KRT3: variants seen among roughly 807,000 people sequenced by gnomAD.
KRT3 encodes the protein keratin, type II cytoskeletal 3.
A neutral mutation model predicts 45.8 loss-of-function variants in KRT3; 34 were observed. The ratio of observed to expected loss-of-function variants is 0.74; its 90% CI spans 0.57 to 0.99. KRT3 has a LOEUF of 0.99. Ranked by LOEUF, KRT3 falls within the 50% of genes least tolerant of loss-of-function variation. KRT3 has a pLI of 0.00. For missense variants in KRT3, 828 were observed against 820.6 expected, an observed-to-expected ratio of 1.01 and a Z score of -0.11; for synonymous variants, 367 against 329.0, an observed-to-expected ratio of 1.12 and a Z score of -1.25.
chr12:52,792,594 C>T (rs987081706), intron 4 of KRT3, 117 bp downstream of exon 4: 2 of 985,584 alleles, frequency 2.0e-6, no homozygotes, highest in Admixed American at 3.5e-5. Context: ...TCCAAGGGTC[C>T]TCATCTCCAG....
In KRT3 at chr12:52,794,224, A is replaced by G; in HGVS notation, c.753T>C (p.Phe251=). 6.2e-7 allele frequency: 1 copy of G among 1,614,084 alleles called. No homozygotes were observed. Among genetic ancestry groups the G allele is most frequent in the East Asian group, 2.2e-5 (1 of 44,886 alleles). Residue 251 remains phenylalanine, a synonymous_variant, in exon 2 of 9, where the codon TTT becomes TTC. Transcript: ENST00000417996. The stretch of plus-strand genomic sequence containing the variant: ...TCCGCAGGTAGTTGATGTGATTCTC[A>G]AAAAGAGGCTCAAGGTTGTTTGTGC... ...ISGTNNLEPL[F]ENHINYLRSY... is the part of the protein sequence containing the mutation.
At chr12:52,793,255 G>T (rs1196499184) in intron 2 of KRT3, 32 bp from the exon 3 acceptor site, 4 of 1,510,630 alleles carry the variant, frequency 2.6e-6, no homozygotes, top group Non-Finnish European at 2.7e-6. Flanking sequence ...AGCTGAGTTT[G>T]GTTTTGAGGT....
chr12:52,791,076 G>A, intron 7 of KRT3, 130 bp downstream of exon 7: 1 of 1,449,316 alleles, frequency 6.9e-7, no homozygotes, highest in Non-Finnish European at 9.4e-7. Flanking sequence ...TGGGCTGGTA[G>A]AGGCAAATGC....
chr12:52,791,170 G>A (rs1052617522), intron 7 of KRT3, 36 bp downstream of exon 7: 3 of 1,613,710 alleles, frequency 1.9e-6, no homozygotes, highest in Non-Finnish European at 2.5e-6. Context: ...TATGACTTGA[G>A]CCAGGGGGTG....
chr12:52,794,521 T>G (rs553422910), intron 1 of KRT3, among the ~76,000 whole-genome samples, 190 bp from the exon 2 acceptor site: 13 of 152,268 alleles, frequency 8.5e-5, no homozygotes, highest in African/African-American at 2.9e-4. Flanking sequence ...GACACTACAC[T>G]TGCAGCGTGG....
chr12:52,794,223 C>T lies in KRT3; in HGVS notation c.754G>A (p.Glu252Lys). Residue 252 changes from glutamate to lysine, a missense_variant, in exon 2 of 9, where the codon GAG becomes AAG. Glu to Lys is a moderately conservative substitution (Grantham distance 56). Coordinates refer to ENST00000417996, the MANE Select transcript of KRT3 (RefSeq NM_057088.3). ...CTCCGCAGGTAGTTGATGTGATTCTCAAAAAGAGGCTCAAGGTTGTTTGTG... is the reference window on the plus strand; with the variant it reads ...CTCCGCAGGTAGTTGATGTGATTCTTAAAAAGAGGCTCAAGGTTGTTTGTG... ...SGTNNLEPLF[E>K]NHINYLRSYL... is the part of the protein sequence containing the mutation. 1.9e-6 allele frequency: 3 copies of T among 1,614,136 alleles called. No individual in the cohort carries two copies. Among genetic ancestry groups the T allele is most frequent in the Non-Finnish European group, 2.5e-6 (3 of 1,180,010 alleles).
chr12:52,794,256 T>G lies in KRT3; in HGVS notation c.721A>C (p.Ile241Leu), dbSNP rs368765001. 1.9e-6 allele frequency: 3 copies of G among 1,614,058 alleles called. No individual in the cohort carries two copies. In the African/African-American group the frequency reaches 4.0e-5, roughly 22 times the overall value. Residue 241 changes from isoleucine (I) to leucine (L), a missense_variant, in exon 2 of 9, where the codon ATC becomes CTC. Transcript: ENST00000417996. ...NLLQQQGTSS[I>L]SGTNNLEPLF... ...GGCTCAAGGTTGTTTGTGCCTGAGA[T>G]GGAACTTGTGCCCTGCTGCTGGAGC...
intron 3 of KRT3, 131 bp from the exon 4 acceptor site, chr12:52,792,937 G>A (rs1939559181): frequency 1.4e-6 from 1 of 722,284 alleles, no homozygotes; most frequent in Non-Finnish European, 2.4e-6. Flanking sequence ...ACTTGAACGG[G>A]CAATTTGTAT....
chr12:52,790,436 G>T, intron 8 of KRT3, 78 bp from the exon 9 acceptor site: 2 of 1,373,116 alleles, frequency 1.5e-6, no homozygotes, highest in Non-Finnish European at 9.8e-7. Context: ...GATCCACCGG[G>T]CCCACGACTA....
rs374904266 is a variant in KRT3 at position 52,791,331 on chromosome 12, A to G, written c.1410T>C (p.Ala470=). The part of the protein sequence containing the change: ...ANAKLQELQA[A]LQQAKDDLAR... ...CCAGGTCATCCTTCGCCTGCTGTAGAGCAGCCTGCAGCTCTTGGAGCTTGG... is the reference window on the plus strand; with the variant it reads ...CCAGGTCATCCTTCGCCTGCTGTAGGGCAGCCTGCAGCTCTTGGAGCTTGG... The change falls in exon 7 of 9, where the codon GCT becomes GCC. Residue 470 remains alanine, a synonymous_variant. Coordinates refer to ENST00000417996, the MANE Select transcript of KRT3 (RefSeq NM_057088.3). 5.3e-5 allele frequency: 85 copies of G among 1,614,098 alleles called. No individual in the cohort carries two copies. The highest frequency in any genetic ancestry group is 6.4e-5 in the Non-Finnish European group (75 of 1,180,044).
Position 52,790,853 on chromosome 12 carries a change from T to C in KRT3, c.1555A>G (p.Ser519Gly). 1 of 1,597,820 alleles carries C rather than the reference T, an allele frequency of 6.3e-7. No homozygotes were observed. Among genetic ancestry groups the C allele is most frequent in the Non-Finnish European group, 8.5e-7 (1 of 1,171,864 alleles). ...CGGTACTTACAGATGCTGACAGCAC[T>C]CGGACACTCTCCAGACATCCTGTTT... The part of the protein sequence containing the change: ...EEYRMSGECP[S>G]AVSISVVSSS... The change falls in exon 8 of 9, where the codon AGT becomes GGT. Residue 519 changes from serine to glycine, a missense_variant. Ser to Gly is a moderately conservative substitution (Grantham distance 56). Coordinates refer to ENST00000417996, the MANE Select transcript of KRT3 (RefSeq NM_057088.3).
intron 6 of KRT3, 49 bp from the exon 7 acceptor site, chr12:52,791,475 C>G (rs202046656): frequency 6.3e-7 from 1 of 1,578,750 alleles, no homozygotes; most frequent in East Asian, 2.2e-5. Flanking sequence ...GGGCCCCAGG[C>G]CCTTCCTGAC....
chr12:52,795,626 A>T lies in KRT3; in HGVS notation c.417T>A (p.Gly139=), dbSNP rs529558333. ...GGFGGAGGFG[G]PGGFGGSGGF... ...CACCAGACCCACCAAAGCCACCAGGACCACCAAAGCCACCAGCCCCTCCAA... is the reference window on the plus strand; with the variant it reads ...CACCAGACCCACCAAAGCCACCAGGTCCACCAAAGCCACCAGCCCCTCCAA... Residue 139 remains glycine (G), a synonymous_variant, in exon 1 of 9, where the codon GGT becomes GGA. Coordinates refer to ENST00000417996, the MANE Select transcript of KRT3 (RefSeq NM_057088.3). The T allele has an allele frequency of 1.1e-5, 18 of 1,584,296 alleles. No individual in the cohort carries two copies. In the Admixed American group the frequency reaches 1.3e-4, roughly 11 times the overall value.
chr12:52,790,078 G>A lies in KRT3; in HGVS notation c.1851C>T (p.Ser617=), dbSNP rs1233100608. 4.5e-6 allele frequency: 7 copies of A among 1,541,236 alleles called. No homozygotes were observed. Among genetic ancestry groups the A allele is most frequent in the Admixed American group, 3.9e-5 (2 of 50,972 alleles). The change falls in exon 9 of 9, where the codon TCC becomes TCT. Residue 617 remains serine (S), a synonymous_variant. Coordinates refer to ENST00000417996, the MANE Select transcript of KRT3 (RefSeq NM_057088.3). ...AGCGCTGGGAGGACTGGGAGGACTGGGAGAACTTGATGCTGCCGCCCCGGT... is the reference window on the plus strand; with the variant it reads ...AGCGCTGGGAGGACTGGGAGGACTGAGAGAACTTGATGCTGCCGCCCCGGT... The part of the protein sequence containing the change: ...ASNRGGSIKF[S]QSSQSSQRYS...
In KRT3 at chr12:52,793,228, G is replaced by A. The variant is rs1343859285; in HGVS notation, c.867-5C>T. The stretch of plus-strand genomic sequence containing the variant: ...TTATTGATTTCATCCTCATATCTGT[G>A]TGAATAAAAAAGAAACAGCTGAGTT... On this transcript the variant is annotated splice_polypyrimidine_tract_variant and splice_region_variant and intron_variant, in intron 2 of 8. Coordinates refer to ENST00000417996, the MANE Select transcript of KRT3 (RefSeq NM_057088.3). 1.9e-6 allele frequency: 3 copies of A among 1,597,638 alleles called. No homozygotes were observed. The highest frequency in any genetic ancestry group is 3.5e-5 in the Admixed American group (2 of 57,884).
rs200878892 is a variant in KRT3, at chr12:52,795,824, G to C, written c.219C>G (p.Gly73=). 1.3e-5 allele frequency: 21 copies of C among 1,613,890 alleles called. No individual in the cohort carries two copies. In the South Asian group the frequency reaches 2.1e-4, roughly 16 times the overall value. The change falls in exon 1 of 9, where the codon GGC becomes GGG. Residue 73 remains glycine (G), a synonymous_variant. Coordinates refer to ENST00000417996, the MANE Select transcript of KRT3 (RefSeq NM_057088.3). ...CCCCAAAGCCTCCAGCCCGGGAGCC[G>C]CCAGCTGCCACGCTGATGGAGATGC... ...NKSISISVAA[G]GSRAGGFGGG... is the part of the protein sequence containing the mutation.
rs148531142 is a variant in KRT3, at chr12:52,795,629, A to ACCAAAGCCACCAGCCCCT, written c.396_413dup (p.Ala134_Gly139dup). 1.3e-6 allele frequency: 2 copies of ACCAAAGCCACCAGCCCCT among 1,586,064 alleles called. No homozygotes were observed. Among genetic ancestry groups the ACCAAAGCCACCAGCCCCT allele is most frequent in the Non-Finnish European group, 1.7e-6 (2 of 1,167,486 alleles). ...CAGACCCACCAAAGCCACCAGGACC[A>ACCAAAGCCACCAGCCCCT]CCAAAGCCACCAGCCCCTCCAAAGC... On this transcript the variant is annotated inframe_insertion, in exon 1 of 9. Transcript: ENST00000417996.
intron 2 of KRT3, among the ~76,000 whole-genome samples, 154 bp downstream of exon 2, chr12:52,793,957 G>A (rs74096326): frequency 0.026 from 4,031 of 152,256 alleles, 191 homozygotes; most frequent in African/African-American, 0.092. Context: ...AGGTGAGGGG[G>A]AACTGAATGA....
intron 6 of KRT3, 95 bp downstream of exon 6, chr12:52,791,596 G>A: frequency 1.9e-6 from 3 of 1,543,242 alleles, no homozygotes; most frequent in Non-Finnish European, 8.9e-7. Flanking sequence ...AGCCTGAGAT[G>A]ACCTCCAGAC....
Sources: gnomAD v4.1 joint callset for allele counts (sites outside exome capture counted in the v4.1 genomes callset) on GRCh38, gnomAD v4.1.1 for gene constraint, MANE v1.5 for transcripts, NCBI Gene and HGNC (gene_info 2026-07-23, HGNC 2026-07-21) for gene names.